Variants in SCRN1 observed in about 807,000 individuals in gnomAD.
The protein encoded by SCRN1 is secernin 1, also known as secernin-1.
A neutral mutation model predicts 43.3 loss-of-function variants in SCRN1; 19 were observed. The observed-to-expected ratio is 0.44, with a 90% confidence interval of 0.31 to 0.64. SCRN1 has a LOEUF of 0.64. SCRN1 is among the 30% of genes least tolerant of loss of function. SCRN1 has a pLI of 0.09. For synonymous variants in SCRN1, 183 were observed against 188.9 expected (o/e 0.97, Z 0.26); for missense variants, 447 against 524.1 (o/e 0.85, Z 1.44).
At chr7:29,978,373 G>A (rs1183876954) in intron 1 of SCRN1, among the ~76,000 whole-genome samples, 1 of 152,182 alleles carries the variant, frequency 6.6e-6, no homozygotes, top group African/African-American at 2.4e-5. Context: ...CTGGAGTTGG[G>A]TAGTGGCTCC....
At chr7:29,927,013 T>C (rs1786985115) in intron 6 of SCRN1, among the ~76,000 whole-genome samples, 1 of 151,734 alleles carries the variant, frequency 6.6e-6, no homozygotes, top group African/African-American at 2.4e-5. Context: ...TTTAATACCG[T>C]GGTCTGAGAA....
rs1279859174 is a variant in SCRN1, at chr7:29,965,885, A to G, written c.159+3024T>C. Among the ~76,000 whole-genome samples, 1 of 152,006 alleles carries G rather than the reference A, an allele frequency of 6.6e-6. No homozygotes were observed. Among genetic ancestry groups the G allele is most frequent in the African/African-American group, 2.4e-5 (1 of 41,378 alleles). On this transcript the variant is annotated intron_variant, in intron 2 of 7. Coordinates refer to ENST00000242059, the MANE Select transcript of SCRN1 (RefSeq NM_014766.5). This position sits in a 1 kb window ranked among gnomAD's most constrained non-coding sequence, Gnocchi z 4.2. ...AGCCTATCCTCCAAAAAAGAAAACA[A>G]ATTTTTTTGAAATATTTATTTCAGA...
intron 5 of SCRN1, among the ~76,000 whole-genome samples, chr7:29,939,788 C>T (rs746784738): frequency 2.0e-4 from 30 of 152,058 alleles, no homozygotes; most frequent in Admixed American, 7.9e-4. Flanking sequence ...GGAAGGATTT[C>T]CACATAGGCA....
rs1179543395 is a variant in SCRN1, at chr7:29,920,990, G to C, written c.*2967C>G. The C allele has an allele frequency of 1.3e-5, 2 of 152,524 alleles. No individual in the cohort carries two copies. Among genetic ancestry groups the C allele is most frequent in the African/African-American group, 4.8e-5 (2 of 41,412 alleles). The allele number at this position is 152,524 out of a possible 1,614,324, so 9.4% of individuals were successfully genotyped here. A position where few individuals can be genotyped will look rare whatever the true frequency, so the allele number is the denominator to read the frequency against. On this transcript the variant is annotated 3_prime_UTR_variant, in exon 8 of 8. Coordinates refer to ENST00000242059, the MANE Select transcript of SCRN1 (RefSeq NM_014766.5). ...TTTCAAAGCACCTCCAAGAATGAAA[G>C]GGTACTATTTCTGCTTTGCTAATTT... is the stretch of plus-strand genomic sequence containing the variant.
intron 1 of SCRN1, among the ~76,000 whole-genome samples, chr7:29,985,946 A>G (rs1789136412): frequency 6.6e-6 from 1 of 152,206 alleles, no homozygotes; most frequent in Non-Finnish European, 1.5e-5. Flanking sequence ...TAGAAATATA[A>G]TCCAAGGGCT....
Position 29,923,848 on chromosome 7 carries a change from G to A in SCRN1, c.*109C>T, listed in dbSNP as rs1583642865. Reference sequence around the variant, plus strand: ...AGTTTGATCTGGCTTCAGAAAAGGAGGCCACATATTAACTTTCTCATTTTA... The same window carrying A: ...AGTTTGATCTGGCTTCAGAAAAGGAAGCCACATATTAACTTTCTCATTTTA... On this transcript the variant is annotated 3_prime_UTR_variant, in exon 8 of 8. Transcript: ENST00000242059. 7 of 1,185,770 alleles carry A rather than the reference G, an allele frequency of 5.9e-6. No individual in the cohort carries two copies. The East Asian group carries it at 1.7e-4, about 28-fold the overall frequency. 73.5% of individuals were successfully genotyped at this position (1,185,770 alleles called of 1,614,324 possible). A position where few individuals can be genotyped will look rare whatever the true frequency, so the allele number is the denominator to read the frequency against.
At chr7:29,975,626 T>A (rs1012456142) in intron 1 of SCRN1, among the ~76,000 whole-genome samples, 1 of 152,250 alleles carries the variant, frequency 6.6e-6, no homozygotes, top group Non-Finnish European at 1.5e-5. Context: ...CATGCACATA[T>A]AAGCGTCTAT....
chr7:29,947,070 C>T, intron 3 of SCRN1: 1 of 1,177,312 alleles, frequency 8.5e-7, no homozygotes, highest in South Asian at 1.6e-5. Context: ...ACCCCTCTGC[C>T]TGGGCAGGAC....
chr7:29,940,512 A>G (rs895972446), intron 5 of SCRN1, among the ~76,000 whole-genome samples, 170 bp downstream of exon 5: 2 of 152,288 alleles, frequency 1.3e-5, no homozygotes, highest in African/African-American at 2.4e-5. Flanking sequence ...AATAAATACA[A>G]GTTGTTTTCT....
chr7:29,935,302 T>C (rs1787288515), intron 6 of SCRN1, among the ~76,000 whole-genome samples: 1 of 152,212 alleles, frequency 6.6e-6, no homozygotes, highest in African/African-American at 2.4e-5. Context: ...ACTTTTCCCC[T>C]GAGTCATCTA....
chr7:29,969,189 T>A (rs1428725045), intron 1 of SCRN1, 121 bp from the exon 2 acceptor site: 1 of 1,180,822 alleles, frequency 8.5e-7, no homozygotes, highest in Non-Finnish European at 1.2e-6. Context: ...CACAGCTAGC[T>A]CATTAAGAGA....
intron 1 of SCRN1, among the ~76,000 whole-genome samples, chr7:29,983,960 C>T (rs1196314794): frequency 6.6e-6 from 1 of 152,160 alleles, no homozygotes; most frequent in African/African-American, 2.4e-5. Flanking sequence ...AATCCCAGCA[C>T]TTTGGGAGTC....
At chr7:29,961,342 C>A (rs1788303037) in intron 2 of SCRN1, among the ~76,000 whole-genome samples, 1 of 128,296 alleles carries the variant, frequency 7.8e-6, no homozygotes, top group African/African-American at 3.0e-5. Flanking sequence ...TCCATTTAAC[C>A]CTGAGTGGAC....
At chr7:29,955,912 C>T (rs557479417) in intron 2 of SCRN1, among the ~76,000 whole-genome samples, 246 of 152,304 alleles carry the variant, frequency 1.6e-3, no homozygotes, top group African/African-American at 5.7e-3. Flanking sequence ...TACTGCATTA[C>T]ACTGTGGGAT....
chr7:29,956,163 A>G (rs1290468169), intron 2 of SCRN1, among the ~76,000 whole-genome samples: 1 of 152,214 alleles, frequency 6.6e-6, no homozygotes, highest in Admixed American at 6.5e-5. Flanking sequence ...GAACTCTTAC[A>G]CAGAATCATA....
intron 2 of SCRN1, among the ~76,000 whole-genome samples, chr7:29,956,635 C>T (rs1036809464): frequency 2.0e-5 from 3 of 152,212 alleles, no homozygotes; most frequent in Non-Finnish European, 4.4e-5. Flanking sequence ...CACACACACT[C>T]ACTGGTCAGG....
intron 6 of SCRN1, among the ~76,000 whole-genome samples, chr7:29,929,622 G>A (rs1787091133): frequency 1.3e-5 from 2 of 152,224 alleles, no homozygotes; most frequent in Non-Finnish European, 2.9e-5. Flanking sequence ...GCAGGGCAGG[G>A]AACTGGGCTG....
chr7:29,978,404 C>G (rs1788896078), intron 1 of SCRN1, among the ~76,000 whole-genome samples: 1 of 152,178 alleles, frequency 6.6e-6, no homozygotes, highest in African/African-American at 2.4e-5. Flanking sequence ...GCCTGTATTT[C>G]CTATTGTCCC....
At chr7:29,977,922 A>G (rs1788881732) in intron 1 of SCRN1, among the ~76,000 whole-genome samples, 1 of 152,260 alleles carries the variant, frequency 6.6e-6, no homozygotes, top group Non-Finnish European at 1.5e-5. Context: ...TGTGAGAACA[A>G]GAGAAGGATA....
Sources: gnomAD v4.1 joint callset for allele counts (sites outside exome capture counted in the v4.1 genomes callset) on GRCh38, gnomAD v4.1.1 for gene constraint, Gnocchi (gnomAD v3.1) non-coding constraint, MANE v1.5 for transcripts, NCBI Gene and HGNC (gene_info 2026-07-23, HGNC 2026-07-21) for gene names.